DLC1: variants seen among roughly 807,000 people sequenced by gnomAD.
DLC1 encodes the protein DLC1 Rho GTPase activating protein.
DLC1 carries 54 observed loss-of-function variants against 140.3 expected under a neutral mutation model. The observed-to-expected ratio is 0.38, with a 90% CI of 0.31 to 0.48. DLC1 has a LOEUF of 0.48. Among genes scored for constraint, DLC1 ranks in the 20% least tolerant of loss-of-function variants. The probability of loss-of-function intolerance (pLI) is 0.96; values close to 1 mark genes in which losing one functional copy is unlikely to be tolerated. For missense variants in DLC1, 2,536 were observed against 1,907.0 expected, an observed-to-expected ratio of 1.33 and a Z score of -6.14; for synonymous variants, 986 against 728.1, an observed-to-expected ratio of 1.35 and a Z score of -5.70.
intron 5 of DLC1, among the ~76,000 whole-genome samples, chr8:13,241,399 C>G (rs148178932): frequency 0.012 from 1,823 of 152,204 alleles, 41 homozygotes; most frequent in African/African-American, 0.041. Context: ...ACATTTCCAA[C>G]CTGATTTGGG....
chr8:13,593,613 T>C (rs186960054), intron 1 of DLC1, among the ~76,000 whole-genome samples: 176 of 152,204 alleles, frequency 1.2e-3, no homozygotes, highest in African/African-American at 4.1e-3. Context: ...ATTGAGTCAC[T>C]TAGCTTAAGA....
rs371162849 is a variant in DLC1 at position 13,409,951 on chromosome 8, T to A, written c.1024-8332A>T. Among the ~76,000 whole-genome samples the A allele has an allele frequency of 1.4e-4, 21 of 152,222 alleles. No individual in the cohort carries two copies. In the East Asian group the frequency reaches 1.7e-3, roughly 13 times the overall value. On this transcript the variant is annotated intron_variant, in intron 2 of 17. Coordinates refer to ENST00000276297, the MANE Select transcript of DLC1 (RefSeq NM_182643.3). ...GGATGTATTCATAGCACAGCTAGGT[T>A]TGAGGAACATTTTAGTAGATTGCAG...
At chr8:13,395,236 T>TA (rs1395743445) in intron 3 of DLC1, among the ~76,000 whole-genome samples, 1 of 151,826 alleles carries the variant, frequency 6.6e-6, no homozygotes, top group African/African-American at 2.4e-5. Context: ...TTCTCCTGCC[T>TA]CAACCTCCTT....
chr8:13,225,905 G>A (rs530675781), intron 5 of DLC1, among the ~76,000 whole-genome samples: 11 of 152,122 alleles, frequency 7.2e-5, no homozygotes, highest in South Asian at 6.2e-4. Flanking sequence ...GTGAGCCACC[G>A]CGCCTGGCCT....
intron 6 of DLC1, among the ~76,000 whole-genome samples, chr8:13,114,852 G>C (rs534899826): frequency 6.6e-6 from 1 of 152,292 alleles, no homozygotes; most frequent in African/African-American, 2.4e-5. Context: ...ACAATATCAA[G>C]CGTTGAGGGA....
At chr8:13,335,490 A>C (rs778262348) in intron 4 of DLC1, among the ~76,000 whole-genome samples, 1 of 152,200 alleles carries the variant, frequency 6.6e-6, no homozygotes, top group Non-Finnish European at 1.5e-5. Flanking sequence ...TTTATCGTCA[A>C]GGCACGAGAC....
intron 10 of DLC1, 88 bp from the exon 11 acceptor site, chr8:13,095,333 G>C (rs1437447245): frequency 2.5e-5 from 38 of 1,537,586 alleles, no homozygotes; most frequent in Non-Finnish European, 2.9e-5. Flanking sequence ...CAAACCCTGT[G>C]GGCTCCAGAT....
At chr8:13,431,534 A>C (rs1377713195) in intron 2 of DLC1, among the ~76,000 whole-genome samples, 1 of 139,928 alleles carries the variant, frequency 7.1e-6, no homozygotes, top group East Asian at 2.3e-4. Context: ...TCAAGCATTG[A>C]TGTCACAACT....
intron 5 of DLC1, among the ~76,000 whole-genome samples, chr8:13,295,570 TA>T (rs965153374): frequency 3.9e-5 from 6 of 152,312 alleles, no homozygotes; most frequent in African/African-American, 1.4e-4. Flanking sequence ...AAAACACATC[TA>T]AAAAATTATG....
At chr8:13,118,504 C>T (rs1820766933) in intron 5 of DLC1, among the ~76,000 whole-genome samples, 1 of 152,124 alleles carries the variant, frequency 6.6e-6, no homozygotes, top group Non-Finnish European at 1.5e-5. Flanking sequence ...AAAGAGTCCA[C>T]TCTGAAAACT....
chr8:13,400,451 A>G (rs928202210), intron 3 of DLC1, among the ~76,000 whole-genome samples: 5 of 152,212 alleles, frequency 3.3e-5, no homozygotes, highest in Non-Finnish European at 7.3e-5. Flanking sequence ...CCTTTACACT[A>G]CAAAGTTCAT....
At chr8:13,358,739 G>A (rs1250909411) in intron 4 of DLC1, among the ~76,000 whole-genome samples, 1 of 152,030 alleles carries the variant, frequency 6.6e-6, no homozygotes, top group Non-Finnish European at 1.5e-5. Context: ...GAAGAGATGT[G>A]TAGAAAAAAT....
At chr8:13,187,071 G>T (rs1008527007) in intron 5 of DLC1, among the ~76,000 whole-genome samples, 1 of 152,158 alleles carries the variant, frequency 6.6e-6, no homozygotes, top group Admixed American at 6.5e-5. Flanking sequence ...AGCCACCTAT[G>T]TGAGGTGTCT....
At chr8:13,269,855 A>G (rs984142332) in intron 5 of DLC1, among the ~76,000 whole-genome samples, 3 of 151,498 alleles carry the variant, frequency 2.0e-5, no homozygotes, top group Non-Finnish European at 4.4e-5. Context: ...CGGGAGATCA[A>G]GACCATCCTG....
Position 13,100,622 on chromosome 8 carries a change from G to T in DLC1, c.1715C>A (p.Pro572Gln), listed in dbSNP as rs371470170. Residue 572 changes from proline (P) to glutamine (Q), a missense_variant, in exon 9 of 18, where the codon CCG (proline) becomes CAG (glutamine). Physicochemically the swap from Pro to Gln is moderately conservative, Grantham distance 76. Coordinates refer to ENST00000276297, the MANE Select transcript of DLC1 (RefSeq NM_182643.3). The stretch of plus-strand genomic sequence containing the variant: ...GCCTCCGGGGCTGGGGCCGTCCTTC[G>T]GGTGGGAGTCGTCTGGGGACCCAGG... The part of the protein sequence containing the change: ...LVPGSPDDSH[P>Q]KDGPSPGGTL... The T allele has an allele frequency of 6.2e-7, 1 of 1,613,966 alleles. No homozygotes were observed. Among genetic ancestry groups the T allele is most frequent in the African/African-American group, 1.3e-5 (1 of 74,944 alleles).
At chr8:13,312,360 CAAAAA>C (rs777597726) in intron 4 of DLC1, among the ~76,000 whole-genome samples, 31 of 6,638 alleles carry the variant, frequency 4.7e-3, no homozygotes, top group African/African-American at 6.8e-3. Context: ...GACTCCGTCT[CAAAAA>C]AAAAAAAAAA....
At chr8:13,411,254 A>G (rs1052412410) in intron 2 of DLC1, among the ~76,000 whole-genome samples, 2 of 152,230 alleles carry the variant, frequency 1.3e-5, no homozygotes, top group African/African-American at 4.8e-5. Flanking sequence ...CTATCACACC[A>G]TGGAAAGATA....
intron 5 of DLC1, among the ~76,000 whole-genome samples, chr8:13,206,838 G>A (rs987309437): frequency 7.9e-5 from 12 of 151,818 alleles, no homozygotes; most frequent in African/African-American, 2.9e-4. Flanking sequence ...CAAAGAACTC[G>A]AACAGCACAT....
chr8:13,267,263 T>A (rs1324339365), intron 5 of DLC1, among the ~76,000 whole-genome samples: 1 of 152,222 alleles, frequency 6.6e-6, no homozygotes, highest in East Asian at 1.9e-4. Flanking sequence ...AAGTTATATT[T>A]TAAATATAGC....
Sources: allele counts gnomAD v4.1 joint callset (sites outside exome capture counted in the v4.1 genomes callset), GRCh38; gene constraint gnomAD v4.1.1; transcripts MANE v1.5; gene names NCBI Gene and HGNC (gene_info 2026-07-23, HGNC 2026-07-21).